Variants in AFF3 observed in about 807,000 individuals in gnomAD.
The protein encoded by AFF3 is AF4/FMR2 family member 3.
AFF3 carries 32 observed loss-of-function variants against 129.7 expected under a neutral mutation model. That is an observed-to-expected ratio of 0.25 (90% CI 0.19 to 0.33). AFF3 has a LOEUF of 0.33. AFF3 is among the 10% of genes least tolerant of loss of function. The probability of loss-of-function intolerance (pLI) is 1.00; values close to 1 mark genes in which losing one functional copy is unlikely to be tolerated. For synonymous variants in AFF3, 644 were observed against 635.4 expected (o/e 1.01, Z -0.20); for missense variants, 1,373 against 1,592.0 (o/e 0.86, Z 2.34).
chr2:99,686,661 G>A (rs1675092632), intron 11 of AFF3, among the ~76,000 whole-genome samples: 1 of 152,244 alleles, frequency 6.6e-6, no homozygotes, highest in African/African-American at 2.4e-5. Flanking sequence ...TCCTGAGGGA[G>A]TGACATTAAT....
chr2:100,024,072 A>G (rs1164652672), intron 4 of AFF3, among the ~76,000 whole-genome samples: 3 of 151,146 alleles, frequency 2.0e-5, no homozygotes, highest in Non-Finnish European at 4.4e-5. Flanking sequence ...CTCTACTAAG[A>G]ACACCAAAAA....
At chr2:100,106,572 GAGGAGGGAGCAGGAAC>G in intron 2 of AFF3, 1 of 993,452 alleles carries the variant, frequency 1.0e-6, no homozygotes, top group Non-Finnish European at 1.2e-6. Flanking sequence ...GTGGAGGGTG[GAGGAGGGAGCAGGAAC>G]AGCCCCTGTC....
intron 7 of AFF3, among the ~76,000 whole-genome samples, chr2:99,866,047 C>T (rs1384406200): frequency 6.6e-6 from 1 of 152,166 alleles, no homozygotes; most frequent in Non-Finnish European, 1.5e-5. Flanking sequence ...ATAAACAGGG[C>T]TACCTTCTGG....
chr2:99,915,546 C>T (rs919869193), intron 7 of AFF3, among the ~76,000 whole-genome samples: 2 of 152,054 alleles, frequency 1.3e-5, no homozygotes, highest in Non-Finnish European at 2.9e-5. Context: ...CAGGGCTATC[C>T]GACGCAGGCA....
chr2:100,037,047 T>C (rs1051650497), intron 4 of AFF3, among the ~76,000 whole-genome samples: 1 of 152,022 alleles, frequency 6.6e-6, no homozygotes, highest in African/African-American at 2.4e-5. Context: ...TTCTGAAAGC[T>C]CACGTCCTCT....
chr2:100,024,102 G>A (rs1227719789), intron 4 of AFF3, among the ~76,000 whole-genome samples: 3 of 149,938 alleles, frequency 2.0e-5, no homozygotes, highest in African/African-American at 4.9e-5. Flanking sequence ...CGTGGTGGCG[G>A]GCGCCTGTAG....
chr2:99,783,392 G>T (rs1473442631), intron 8 of AFF3, among the ~76,000 whole-genome samples: 1 of 152,196 alleles, frequency 6.6e-6, no homozygotes, highest in Admixed American at 6.5e-5. Context: ...CAATGCAAAC[G>T]AGAGGGTGTA....
At chr2:99,990,385 C>A (rs747809484) in intron 7 of AFF3, among the ~76,000 whole-genome samples, 1 of 152,028 alleles carries the variant, frequency 6.6e-6, no homozygotes, top group African/African-American at 2.4e-5. Context: ...AGAGTGAACA[C>A]GATCTAATTG....
At chr2:99,775,600 T>C (rs974725641) in intron 8 of AFF3, among the ~76,000 whole-genome samples, 1 of 151,996 alleles carries the variant, frequency 6.6e-6, no homozygotes, top group African/African-American at 2.4e-5. Flanking sequence ...GGTGATGGGC[T>C]GATAGGTGCA....
intron 12 of AFF3, among the ~76,000 whole-genome samples, chr2:99,669,955 C>T (rs1045272366): frequency 2.6e-5 from 4 of 152,206 alleles, no homozygotes; most frequent in African/African-American, 9.7e-5. Context: ...CGTACACACA[C>T]AAAATATGCC....
intron 2 of AFF3, among the ~76,000 whole-genome samples, chr2:100,117,375 C>T (rs1691772523): frequency 2.6e-5 from 4 of 152,038 alleles, no homozygotes; most frequent in Admixed American, 2.6e-4. Flanking sequence ...ATGTGTCTTC[C>T]AGTCAACTAG....
At chr2:99,590,909 C>T (rs1678603723) in intron 15 of AFF3, among the ~76,000 whole-genome samples, 1 of 151,654 alleles carries the variant, frequency 6.6e-6, no homozygotes, top group Non-Finnish European at 1.5e-5. Context: ...AGGAGAATCA[C>T]TTGAACCCAG....
chr2:99,550,675 GC>G lies in AFF3; in HGVS notation c.*798del. On this transcript the variant is annotated 3_prime_UTR_variant, in exon 25 of 25. Coordinates refer to ENST00000672756, the MANE Select transcript of AFF3 (RefSeq NM_001386135.1). ...CTCCTAACTGAGCTCCAACACACAG[GC>G]ACTGCTACCTTAGTGTCTGTTAACT... is the stretch of plus-strand genomic sequence containing the variant. 4.3e-6 allele frequency: 1 copy of G among 232,866 alleles called. No individual in the cohort carries two copies. Among genetic ancestry groups the G allele is most frequent in the Non-Finnish European group, 8.5e-6 (1 of 117,826 alleles). 14.4% of individuals were successfully genotyped at this position (232,866 alleles called of 1,614,324 possible). A position where few individuals can be genotyped will look rare whatever the true frequency, so the allele number is the denominator to read the frequency against.
rs144555753 is a variant in AFF3, at chr2:100,027,720, G to A, written c.54-18788C>T. On this transcript the variant is annotated intron_variant, in intron 4 of 24. Coordinates refer to ENST00000672756, the MANE Select transcript of AFF3 (RefSeq NM_001386135.1). ...TTATTATTTCTTCCCAAGTAAGTATGTAATAAAATTAGAACTTTAGATAAA... is the reference window on the plus strand; with the variant it reads ...TTATTATTTCTTCCCAAGTAAGTATATAATAAAATTAGAACTTTAGATAAA... 9.9e-5 allele frequency among the ~76,000 whole-genome samples: 15 copies of A among 152,200 alleles called. No individual in the cohort carries two copies. The East Asian group carries it at 2.9e-3, about 29-fold the overall frequency.
intron 7 of AFF3, among the ~76,000 whole-genome samples, chr2:99,908,728 T>A (rs1694898974): frequency 6.6e-6 from 1 of 152,184 alleles, no homozygotes; most frequent in African/African-American, 2.4e-5. Flanking sequence ...GAAAAAATGC[T>A]CATCATCACT....
chr2:99,565,233 T>G (rs1046876486), intron 20 of AFF3, among the ~76,000 whole-genome samples: 1 of 151,984 alleles, frequency 6.6e-6, no homozygotes, highest in Admixed American at 6.6e-5. Flanking sequence ...GGAGCAGGCA[T>G]GTCACAGCCC....
chr2:99,935,683 T>C (rs1417137473), intron 7 of AFF3, among the ~76,000 whole-genome samples: 1 of 152,246 alleles, frequency 6.6e-6, no homozygotes, highest in Non-Finnish European at 1.5e-5. Context: ...TAGGACCCCA[T>C]AAATAGACCA....
chr2:99,862,538 C>T (rs965646385), intron 7 of AFF3, among the ~76,000 whole-genome samples: 2 of 152,352 alleles, frequency 1.3e-5, no homozygotes, highest in East Asian at 1.9e-4. Flanking sequence ...AGATAATGCC[C>T]CACATCACTA....
chr2:99,889,769 C>T (rs2106071397), intron 7 of AFF3, among the ~76,000 whole-genome samples: 1 of 152,312 alleles, frequency 6.6e-6, no homozygotes, highest in African/African-American at 2.4e-5. Context: ...AGCAATTCTC[C>T]TGCCTCAGCC....
Sources: allele counts gnomAD v4.1 joint callset (sites outside exome capture counted in the v4.1 genomes callset), GRCh38; gene constraint gnomAD v4.1.1; transcripts MANE v1.5; gene names NCBI Gene and HGNC (gene_info 2026-07-23, HGNC 2026-07-21).